PDE4C: variants seen among roughly 807,000 people sequenced by gnomAD.
PDE4C encodes 3',5'-cyclic-AMP phosphodiesterase 4C.
PDE4C carries 50 observed loss-of-function variants against 63.9 expected under a neutral mutation model. The ratio of observed to expected loss-of-function variants is 0.78; its 90% CI spans 0.62 to 0.99. The LOEUF (loss-of-function observed/expected upper bound fraction) is 0.99, where lower values mean the gene tolerates loss of function less well. PDE4C is among the 50% of genes least tolerant of loss of function. The probability of loss-of-function intolerance (pLI) is 0.00; values close to 1 mark genes in which losing one functional copy is unlikely to be tolerated. For synonymous variants in PDE4C, 377 were observed against 385.1 expected (o/e 0.98, Z 0.25); for missense variants, 777 against 899.1 (o/e 0.86, Z 1.74).
upstream of PDE4C, among the ~76,000 whole-genome samples, chr19:18,237,563 A>G (rs116113509): frequency 1.8e-3 from 273 of 149,692 alleles, 3 homozygotes; most frequent in African/African-American, 6.5e-3. Flanking sequence ...AAAATAAAAA[A>G]TATAAATAAA....
At position 18,213,997 on chromosome 19, in the gene PDE4C, G is replaced by C. The variant is rs539753787; in HGVS notation, c.1390-507C>G. On this transcript the variant is annotated intron_variant, in intron 12 of 14. Transcript: ENST00000262805. The stretch of plus-strand genomic sequence containing the variant: ...CCTCAGGCTGGGCGCCGTGGCTCAC[G>C]CCTGTAATCCCAGCACTTTGGGAGG... Among the ~76,000 whole-genome samples, 136 of 152,096 alleles carry C rather than the reference G, an allele frequency of 8.9e-4. 1 individual carries two copies. The South Asian group carries it at 0.027, about 31-fold the overall frequency.
Position 18,216,732 on chromosome 19 carries a change from T to C in PDE4C, c.1389+9A>G. On this transcript the variant is annotated intron_variant, in intron 12 of 14. Coordinates refer to ENST00000262805, the Ensembl canonical transcript of PDE4C. Reference sequence around the variant, plus strand: ...GCCCCTCCCGCCCCGCTTACTGCCCTGGCCTCACCATGTCAATGACCATCC... The same window carrying C: ...GCCCCTCCCGCCCCGCTTACTGCCCCGGCCTCACCATGTCAATGACCATCC... 3 of 1,439,584 alleles carry C rather than the reference T, an allele frequency of 2.1e-6. No individual in the cohort carries two copies. The highest frequency in any genetic ancestry group is 2.8e-6 in the Non-Finnish European group (3 of 1,062,910). The allele number at this position is 1,439,584 out of a possible 1,614,324, so 89.2% of individuals were successfully genotyped here.
the PDE4C span, chr19:18,255,205 T>C: frequency 2.6e-6 from 1 of 382,256 alleles, no homozygotes. The surrounding 1 kb of genome is among the most constrained non-coding windows in gnomAD (Gnocchi z 4.6). Flanking sequence ...GCTGAGCCTC[T>C]TTACCAGCTC....
intron 13 of PDE4C, 132 bp from the exon 14 acceptor site, chr19:18,212,073 G>A: frequency 1.2e-6 from 1 of 848,116 alleles, no homozygotes; most frequent in East Asian, 2.6e-5. Context: ...GAGACCTGAA[G>A]AAATGGTTAA....
At position 18,220,404 on chromosome 19, in the gene PDE4C, T is replaced by G. The variant is rs751905073; in HGVS notation, c.611A>C (p.Lys204Thr). 4 of 1,614,004 alleles carry G rather than the reference T, an allele frequency of 2.5e-6. No homozygotes were observed. The highest frequency in any genetic ancestry group is 3.4e-6 in the Non-Finnish European group (4 of 1,179,882). ...GCTCAGCGATCTGCCCCACCTCACC[T>G]TGTTGGAGGCCATCTCCCCCACCGA... Residue 204 changes from lysine (K) to threonine (T), a missense_variant and splice_region_variant, in exon 6 of 15, where the codon AAG becomes ACG. Lys to Thr is a moderately conservative substitution (Grantham distance 78). This residue lies in a region of PDE4C where 28 missense variants were observed against 53.5 expected (regional missense o/e 0.52). Coordinates refer to ENST00000262805, the Ensembl canonical transcript of PDE4C. The surrounding 1 kb of genome is among the most constrained non-coding windows in gnomAD (Gnocchi z 5.1).
At chr19:18,246,472 C>A (rs528530072) in intron 1 of PDE4C, among the ~76,000 whole-genome samples, 1 of 151,998 alleles carries the variant, frequency 6.6e-6, no homozygotes, top group Admixed American at 6.6e-5. Context: ...CGTGAGCCAC[C>A]GCGCCCAGAC....
intron 1 of PDE4C, among the ~76,000 whole-genome samples, chr19:18,242,313 T>C (rs1969055106): frequency 6.6e-6 from 1 of 151,018 alleles, no homozygotes. Flanking sequence ...CTTGTCTCTA[T>C]AAAAATACAA....
upstream of PDE4C, among the ~76,000 whole-genome samples, chr19:18,238,216 C>T (rs1048292597): frequency 3.3e-5 from 5 of 151,560 alleles, no homozygotes; most frequent in Non-Finnish European, 7.4e-5. Context: ...CAGAGTGAGA[C>T]CCCCTGTATC....
chr19:18,242,680 G>C (rs1384014136), intron 1 of PDE4C, among the ~76,000 whole-genome samples: 1 of 150,944 alleles, frequency 6.6e-6, no homozygotes, highest in Non-Finnish European at 1.5e-5. Flanking sequence ...AGCTACTTGG[G>C]AGGCTGACGT....
chr19:18,217,296 T>C, intron 11 of PDE4C: 1 of 158,746 alleles, frequency 6.3e-6, no homozygotes, highest in Non-Finnish European at 1.4e-5. Context: ...TCCTGAGTAG[T>C]TGGGATTACA....
exon 15 of PDE4C, chr19:18,210,757 G>A: frequency 7.7e-6 from 9 of 1,171,640 alleles, no homozygotes; most frequent in Non-Finnish European, 1.0e-5. Context: ...ACCCCAGCCA[G>A]GTGCCTCCAA....
intron 1 of PDE4C, chr19:18,248,083 G>C (rs1969161908): frequency 2.3e-6 from 1 of 436,628 alleles, no homozygotes; most frequent in Non-Finnish European, 4.6e-6. Context: ...GTTTCAGGGG[G>C]ATTACGAGAC....
rs138439777 is a variant in PDE4C at position 18,213,847 on chromosome 19, C to T, written c.1390-357G>A. 5.3e-5 allele frequency among the ~76,000 whole-genome samples: 8 copies of T among 152,272 alleles called. 1 individual carries two copies. Among genetic ancestry groups the T allele is most frequent in the African/African-American group, 1.7e-4 (7 of 41,558 alleles). On this transcript the variant is annotated intron_variant, in intron 12 of 14. Transcript: ENST00000262805. ...TGGGGTGGGTGGGGCGGAAGGCATT[C>T]GTTGAGTCACAGCAAACCCTAGAAC...
chr19:18,216,992 G>A, intron 11 of PDE4C, 97 bp from the exon 12 acceptor site: 1 of 1,368,036 alleles, frequency 7.3e-7, no homozygotes, highest in Non-Finnish European at 9.9e-7. Context: ...TCCTACCCAT[G>A]CGTTGAAGGC....
At chr19:18,249,377 C>G (rs1969197196), upstream of PDE4C, among the ~76,000 whole-genome samples, 1 of 152,104 alleles carries the variant, frequency 6.6e-6, no homozygotes, top group African/African-American at 2.4e-5. Context: ...CAGGCTCAAC[C>G]AATTCTCCTG....
chr19:18,241,028 G>A (rs1969026379), intron 1 of PDE4C, among the ~76,000 whole-genome samples: 1 of 151,990 alleles, frequency 6.6e-6, no homozygotes, highest in Non-Finnish European at 1.5e-5. Context: ...CCGCATTTGA[G>A]CACAACTTGT....
chr19:18,225,216 A>G (rs1209922251), intron 1 of PDE4C, among the ~76,000 whole-genome samples: 2 of 152,078 alleles, frequency 1.3e-5, no homozygotes, highest in Non-Finnish European at 1.5e-5. Context: ...CAGGGGGGTA[A>G]ACTGAGCCAG....
At chr19:18,231,341 C>T (rs766750947), upstream of PDE4C, among the ~76,000 whole-genome samples, 2 of 152,244 alleles carry the variant, frequency 1.3e-5, no homozygotes, top group Non-Finnish European at 2.9e-5. Flanking sequence ...CAGAGCCAAG[C>T]GGGGGCTTCC....
At chr19:18,252,763 G>A (rs939446541), upstream of PDE4C, among the ~76,000 whole-genome samples, 1 of 151,976 alleles carries the variant, frequency 6.6e-6, no homozygotes, top group African/African-American at 2.4e-5. Flanking sequence ...GATTACAGGC[G>A]TGCATTACCA....
Sources: gnomAD v4.1 joint callset for allele counts (sites outside exome capture counted in the v4.1 genomes callset) on GRCh38, gnomAD v4.1.1 for gene constraint, gnomAD v4.1.1 regional missense constraint, Gnocchi (gnomAD v3.1) non-coding constraint, MANE v1.5 for transcripts, NCBI Gene and HGNC (gene_info 2026-07-23, HGNC 2026-07-21) for gene names.